NKAIN2: variants seen among roughly 807,000 people sequenced by gnomAD.
NKAIN2 encodes the protein sodium/potassium-transporting ATPase subunit beta-1-interacting protein 2.
Under a neutral mutation model 32.6 loss-of-function variants are expected in NKAIN2, and 14 were observed. That is an observed-to-expected ratio of 0.43 (90% CI 0.28 to 0.67). The LOEUF (loss-of-function observed/expected upper bound fraction) is 0.67. Among genes scored for constraint, NKAIN2 ranks in the 30% least tolerant of loss-of-function variants. The probability of loss-of-function intolerance (pLI) is 0.17; values close to 1 mark genes in which losing one functional copy is unlikely to be tolerated. For missense variants in NKAIN2, 198 were observed against 258.3 expected, an observed-to-expected ratio of 0.77 and a Z score of 1.60; for synonymous variants, 80 against 87.2, an observed-to-expected ratio of 0.92 and a Z score of 0.46.
chr6:124,721,403 C>CAAAA (rs11330814), intron 4 of NKAIN2, among the ~76,000 whole-genome samples: 2 of 101,764 alleles, frequency 2.0e-5, no homozygotes, highest in Non-Finnish European at 4.2e-5. Context: ...GACTCCGTCT[C>CAAAA]AAAAAAAAAA....
At position 124,285,320 on chromosome 6, in the gene NKAIN2, A is replaced by G. The variant is rs117902860; in HGVS notation, c.192+2178A>G. 1.8e-3 allele frequency among the ~76,000 whole-genome samples: 281 copies of G among 152,218 alleles called. 4 individuals carry two copies. In the East Asian group the frequency reaches 0.034, roughly 18 times the overall value. On this transcript the variant is annotated intron_variant, in intron 2 of 6. Transcript: ENST00000368417. ...TTTCTTTAGCTCATTTCTCTCTTAC[A>G]ATATCATGCTGTCTGTGGCTAAAAG... is the stretch of plus-strand genomic sequence containing the variant.
chr6:124,750,878 G>A (rs879416448), intron 4 of NKAIN2, among the ~76,000 whole-genome samples: 6 of 151,836 alleles, frequency 4.0e-5, no homozygotes, highest in Non-Finnish European at 8.8e-5. Context: ...AATCTTATAT[G>A]AGCACTCAGG....
At chr6:124,669,785 C>G (rs1439980881) in intron 4 of NKAIN2, among the ~76,000 whole-genome samples, 4 of 151,722 alleles carry the variant, frequency 2.6e-5, no homozygotes, top group African/African-American at 9.7e-5. Context: ...CTCTCCACCT[C>G]CGTTTCTCAC....
intron 1 of NKAIN2, among the ~76,000 whole-genome samples, chr6:124,201,071 T>C (rs986039914): frequency 2.0e-5 from 3 of 152,086 alleles, no homozygotes; most frequent in African/African-American, 7.2e-5. Context: ...CATAGACTTA[T>C]ACTTCCATAT....
At chr6:124,310,744 T>C (rs1174003271) in intron 2 of NKAIN2, among the ~76,000 whole-genome samples, 1 of 152,176 alleles carries the variant, frequency 6.6e-6, no homozygotes, top group Non-Finnish European at 1.5e-5. Flanking sequence ...TCTTGATTCT[T>C]AGATTGCCAG....
intron 2 of NKAIN2, among the ~76,000 whole-genome samples, chr6:124,305,250 CA>C (rs1347567368): frequency 2.0e-5 from 3 of 152,014 alleles, no homozygotes. Context: ...TCTGGTATTA[CA>C]GTGGAGAATG....
intron 4 of NKAIN2, among the ~76,000 whole-genome samples, chr6:124,712,107 G>A (rs1775506803): frequency 6.6e-6 from 1 of 151,664 alleles, no homozygotes; most frequent in East Asian, 2.0e-4. Flanking sequence ...CCTGCTGGGG[G>A]GTGCCTCCCA....
At chr6:123,891,017 A>G (rs938227321) in intron 1 of NKAIN2, among the ~76,000 whole-genome samples, 8 of 152,184 alleles carry the variant, frequency 5.3e-5, no homozygotes, top group African/African-American at 1.9e-4. Context: ...AACCCTAAAA[A>G]GGAATGAAAT....
At chr6:124,782,750 T>G (rs77140824) in intron 4 of NKAIN2, among the ~76,000 whole-genome samples, 1 of 143,952 alleles carries the variant, frequency 6.9e-6, no homozygotes, top group Non-Finnish European at 1.5e-5. Context: ...GTTCAAAAAT[T>G]CTGTAGACAG....
At chr6:124,631,774 A>G (rs886191578) in intron 3 of NKAIN2, among the ~76,000 whole-genome samples, 2 of 152,062 alleles carry the variant, frequency 1.3e-5, no homozygotes, top group Non-Finnish European at 2.9e-5. Flanking sequence ...TTCTTTCTTC[A>G]CCAGACAGTC....
intron 4 of NKAIN2, among the ~76,000 whole-genome samples, chr6:124,714,611 A>C (rs1299954944): frequency 6.6e-6 from 1 of 152,220 alleles, no homozygotes; most frequent in Admixed American, 6.5e-5. Flanking sequence ...TCTTCCCTAC[A>C]AACGAAAGTA....
chr6:124,533,291 G>A (rs1054551376), intron 3 of NKAIN2, among the ~76,000 whole-genome samples: 4 of 151,712 alleles, frequency 2.6e-5, no homozygotes, highest in Non-Finnish European at 4.4e-5. Flanking sequence ...CTAACACGGT[G>A]AAACCCCGTC....
chr6:124,412,085 AT>A (rs59946305), intron 3 of NKAIN2, among the ~76,000 whole-genome samples: 10,053 of 151,562 alleles, frequency 0.066, 994 homozygotes, highest in African/African-American at 0.21. Context: ...CGTTCATCTA[AT>A]TTTTTTTCAA....
rs117495904 is a variant in NKAIN2 at position 124,369,604 on chromosome 6, C to T, written c.273+14257C>T. Among the ~76,000 whole-genome samples, 12 of 152,180 alleles carry T rather than the reference C, an allele frequency of 7.9e-5. No individual in the cohort carries two copies. The East Asian group carries it at 2.1e-3, about 27-fold the overall frequency. On this transcript the variant is annotated intron_variant, in intron 3 of 6. Transcript: ENST00000368417. ...AGTATATTTCATGTGATCCCCAAGACAATTACTTTTCTTCCAGTGTGGCCC... is the reference window on the plus strand; with the variant it reads ...AGTATATTTCATGTGATCCCCAAGATAATTACTTTTCTTCCAGTGTGGCCC...
chr6:124,039,925 G>A (rs551504976), intron 1 of NKAIN2, among the ~76,000 whole-genome samples: 3 of 151,876 alleles, frequency 2.0e-5, no homozygotes, highest in Non-Finnish European at 4.4e-5. Flanking sequence ...CACAAAGCAT[G>A]CTTCTAGCTT....
intron 1 of NKAIN2, among the ~76,000 whole-genome samples, chr6:123,876,924 C>G (rs192022757): frequency 6.6e-6 from 1 of 152,220 alleles, no homozygotes; most frequent in Admixed American, 6.5e-5. Flanking sequence ...ATAATTTAAA[C>G]TTTTATCCTG....
At chr6:124,095,309 T>C (rs866441702) in intron 1 of NKAIN2, among the ~76,000 whole-genome samples, 10 of 152,020 alleles carry the variant, frequency 6.6e-5, no homozygotes, top group African/African-American at 2.4e-4. Flanking sequence ...TTCAAGCATA[T>C]ACTTGTGAAA....
intron 5 of NKAIN2, chr6:124,804,469 G>A: frequency 2.1e-6 from 2 of 955,000 alleles, no homozygotes; most frequent in Non-Finnish European, 2.5e-6. Flanking sequence ...TAGCACGTGT[G>A]AATGTGTTAC....
intron 1 of NKAIN2, among the ~76,000 whole-genome samples, chr6:123,910,088 CTT>C (rs1279745609): frequency 1.3e-5 from 2 of 152,054 alleles, no homozygotes; most frequent in African/African-American, 4.8e-5. Context: ...AAAAATATGT[CTT>C]ATCATTAGAG....
Sources: gnomAD v4.1 joint callset for allele counts (sites outside exome capture counted in the v4.1 genomes callset) on GRCh38, gnomAD v4.1.1 for gene constraint, MANE v1.5 for transcripts, NCBI Gene and HGNC (gene_info 2026-07-23, HGNC 2026-07-21) for gene names.